FABP12: variants seen among roughly 807,000 people sequenced by gnomAD.
FABP12 encodes fatty acid-binding protein 12.
FABP12 carries 19 observed loss-of-function variants against 13.7 expected under a neutral mutation model. That is an observed-to-expected ratio of 1.39 (90% CI 0.97 to 2.04). The LOEUF is 2.04. FABP12 is among the 30% of genes most tolerant of loss of function. FABP12 has a pLI of 0.00. For synonymous variants in FABP12, 61 were observed against 57.0 expected (o/e 1.07, Z -0.32); for missense variants, 182 against 164.2 (o/e 1.11, Z -0.59).
intron 1 of FABP12, among the ~76,000 whole-genome samples, chr8:81,587,387 G>T (rs115759461): frequency 0.019 from 2,909 of 152,130 alleles, 63 homozygotes; most frequent in African/African-American, 0.056. Flanking sequence ...TGGGCAGTAT[G>T]GCCATTTTAA....
chr8:81,544,613 G>T (rs987843702), intron 1 of FABP12, among the ~76,000 whole-genome samples: 5 of 151,614 alleles, frequency 3.3e-5, no homozygotes, highest in African/African-American at 1.2e-4. Context: ...TAATATCTTT[G>T]TATGAGTCAG....
intron 3 of FABP12, among the ~76,000 whole-genome samples, chr8:81,528,803 G>C (rs1280144701): frequency 6.6e-6 from 1 of 152,148 alleles, no homozygotes; most frequent in African/African-American, 2.4e-5. Context: ...CACTTTCAGG[G>C]TGAGACAATA....
In FABP12 at chr8:81,531,219, GATATGCAAGTAAAC is replaced by G; in HGVS notation, c.73+10_73+23del. ...CAAAATGCCCATTTTTACTGGATAT[GATATGCAAGTAAAC>G]ATAGCTCACCCAGCTCCTTCATGTA... On this transcript the variant is annotated intron_variant, in intron 2 of 4. Transcript: ENST00000360464. 1.9e-6 allele frequency: 3 copies of G among 1,549,324 alleles called. No homozygotes were observed. Among genetic ancestry groups the G allele is most frequent in the African/African-American group, 1.4e-5 (1 of 73,906 alleles).
chr8:81,553,254 C>A (rs1809551867), intron 1 of FABP12, among the ~76,000 whole-genome samples: 1 of 152,114 alleles, frequency 6.6e-6, no homozygotes, highest in African/African-American at 2.4e-5. Flanking sequence ...ATTTTATTAA[C>A]CTTGACTCAA....
chr8:81,528,703 C>T (rs1321238678), intron 3 of FABP12, among the ~76,000 whole-genome samples: 1 of 152,000 alleles, frequency 6.6e-6, no homozygotes, highest in East Asian at 1.9e-4. Context: ...AGACTGTAAA[C>T]AATACGTGTA....
At chr8:81,534,113 T>C (rs758780956), upstream of FABP12, among the ~76,000 whole-genome samples, 3 of 151,950 alleles carry the variant, frequency 2.0e-5, no homozygotes, top group Non-Finnish European at 4.4e-5. Context: ...ACACACACTC[T>C]CTCTCTCACA....
chr8:81,556,725 TA>T (rs1390989203), intron 1 of FABP12, among the ~76,000 whole-genome samples: 1 of 147,356 alleles, frequency 6.8e-6, no homozygotes, highest in East Asian at 1.9e-4. Flanking sequence ...TTTATATATA[TA>T]AAAATATATA....
intron 1 of FABP12, among the ~76,000 whole-genome samples, chr8:81,565,605 A>C (rs779501787): frequency 2.0e-5 from 3 of 151,828 alleles, no homozygotes; most frequent in Non-Finnish European, 4.4e-5. Context: ...TAAGAAAAAA[A>C]TTAAAAAATG....
At chr8:81,586,168 A>G (rs750205776) in intron 1 of FABP12, among the ~76,000 whole-genome samples, 19 of 152,330 alleles carry the variant, frequency 1.2e-4, no homozygotes, top group Non-Finnish European at 2.5e-4. Context: ...TGCAAAGGAC[A>G]TGATCCCATT....
chr8:81,567,126 T>C (rs778332948), intron 1 of FABP12, among the ~76,000 whole-genome samples: 4 of 152,068 alleles, frequency 2.6e-5, no homozygotes, highest in Non-Finnish European at 4.4e-5. Context: ...ATGAAAACTA[T>C]AAACTATTGA....
chr8:81,529,679 A>G, intron 2 of FABP12, 69 bp from the exon 3 acceptor site: 2 of 1,346,068 alleles, frequency 1.5e-6, no homozygotes, highest in Non-Finnish European at 2.0e-6. Context: ...ATTACAATAC[A>G]ATACTTAAAT....
At chr8:81,545,163 G>C (rs1809416572) in intron 1 of FABP12, among the ~76,000 whole-genome samples, 1 of 152,172 alleles carries the variant, frequency 6.6e-6, no homozygotes, top group African/African-American at 2.4e-5. Flanking sequence ...TGAGATTACA[G>C]GCACCTGCCA....
chr8:81,559,451 G>A (rs1809679982), intron 1 of FABP12, among the ~76,000 whole-genome samples: 1 of 152,180 alleles, frequency 6.6e-6, no homozygotes, highest in Non-Finnish European at 1.5e-5. Context: ...TTTCATGTAT[G>A]GGTCTAGGCC....
chr8:81,539,433 C>CTTTTTTTTTTTT (rs35386904), intron 2 of FABP12, among the ~76,000 whole-genome samples: 24 of 50,032 alleles, frequency 4.8e-4, no homozygotes, highest in South Asian at 1.4e-3. Flanking sequence ...TTCTTTAGTT[C>CTTTTTTTTTTTT]TTTTTTTTTT....
At chr8:81,532,746 A>C (rs978925753) in intron 1 of FABP12, among the ~76,000 whole-genome samples, 2 of 152,248 alleles carry the variant, frequency 1.3e-5, no homozygotes, top group African/African-American at 4.8e-5. Flanking sequence ...ACTTGAACCC[A>C]GGAAGCAGAG....
intron 1 of FABP12, among the ~76,000 whole-genome samples, chr8:81,542,854 ACAT>A (rs1161296463): frequency 6.6e-6 from 1 of 152,234 alleles, no homozygotes; most frequent in Non-Finnish European, 1.5e-5. Context: ...ATCTTTCACA[ACAT>A]CAGTGATTAA....
At chr8:81,536,893 T>A (rs1222503455), upstream of FABP12, among the ~76,000 whole-genome samples, 1 of 152,218 alleles carries the variant, frequency 6.6e-6, no homozygotes, top group African/African-American at 2.4e-5. Flanking sequence ...TGAGTAGTTA[T>A]AACAAACATA....
chr8:81,588,658 T>G (rs185111398), intron 1 of FABP12, among the ~76,000 whole-genome samples: 1 of 152,322 alleles, frequency 6.6e-6, no homozygotes, highest in Non-Finnish European at 1.5e-5. Context: ...CTTGCCTAAT[T>G]TCTCTGGCCA....
Position 81,529,422 on chromosome 8 carries a change from CTG to C in FABP12, c.246+14_246+15del. 1 of 1,612,610 alleles carries C rather than the reference CTG, an allele frequency of 6.2e-7. No individual in the cohort carries two copies. Among genetic ancestry groups the C allele is most frequent in the Non-Finnish European group, 8.5e-7 (1 of 1,178,624 alleles). ...ATTCTTTTGAAATGTGTCTGAAAGACTGTCGTAGGCCTCACCTTTGTTTTGTG... is the reference window on the plus strand; with the variant it reads ...ATTCTTTTGAAATGTGTCTGAAAGACTCGTAGGCCTCACCTTTGTTTTGTG... On this transcript the variant is annotated intron_variant, in intron 3 of 4. Transcript: ENST00000360464.
Sources: allele counts gnomAD v4.1 joint callset (sites outside exome capture counted in the v4.1 genomes callset), GRCh38; gene constraint gnomAD v4.1.1; transcripts MANE v1.5; gene names NCBI Gene and HGNC (gene_info 2026-07-23, HGNC 2026-07-21).